Variants in ATG10 observed in about 807,000 individuals in gnomAD.
ATG10 encodes ubiquitin-like-conjugating enzyme ATG10.
In ATG10, 30 loss-of-function variants were observed where a neutral mutation model predicts 32.1. The observed-to-expected ratio is 0.94, with a 90% CI of 0.70 to 1.27. ATG10 has a LOEUF of 1.27. Ranked by LOEUF, ATG10 falls within the 50% of genes most tolerant of loss-of-function variation. The probability of loss-of-function intolerance (pLI) is 0.00; values close to 1 mark genes in which losing one functional copy is unlikely to be tolerated. For missense variants in ATG10, 233 were observed against 262.3 expected (o/e 0.89, Z 0.77); for synonymous variants, 87 against 91.5 (o/e 0.95, Z 0.28).
intron 4 of ATG10, among the ~76,000 whole-genome samples, chr5:82,172,937 A>G (rs76150328): frequency 0.033 from 4,954 of 152,334 alleles, 111 homozygotes; most frequent in Middle Eastern, 0.051. Context: ...TGAAGCAAAA[A>G]TGAATTTTCC....
chr5:82,194,823 C>G (rs573382714), intron 5 of ATG10, among the ~76,000 whole-genome samples: 10 of 152,310 alleles, frequency 6.6e-5, no homozygotes, highest in African/African-American at 2.4e-4. Context: ...TAGGTATGCT[C>G]TGGAACTCCC....
At chr5:82,056,870 A>G (rs1292066689) in intron 2 of ATG10, among the ~76,000 whole-genome samples, 1 of 152,194 alleles carries the variant, frequency 6.6e-6, no homozygotes, top group Non-Finnish European at 1.5e-5. Context: ...GTCATTACAT[A>G]TATCTTTCTC....
chr5:81,985,741 T>TG (rs1761244766), intron 1 of ATG10, among the ~76,000 whole-genome samples: 1 of 152,192 alleles, frequency 6.6e-6, no homozygotes, highest in Non-Finnish European at 1.5e-5. Flanking sequence ...CCAAGGCATT[T>TG]GCTTATAGAA....
At chr5:82,076,496 A>G (rs1410159377) in intron 3 of ATG10, among the ~76,000 whole-genome samples, 1 of 152,136 alleles carries the variant, frequency 6.6e-6, no homozygotes, top group Admixed American at 6.6e-5. Flanking sequence ...CTCCTTGGTA[A>G]CTTTTCTTCA....
chr5:82,085,499 G>T, intron 3 of ATG10, among the ~76,000 whole-genome samples: 1 of 128,844 alleles, frequency 7.8e-6, no homozygotes, highest in Non-Finnish European at 1.6e-5. Context: ...TGGGATCGGG[G>T]GAGGGGGGAG....
intron 1 of ATG10, among the ~76,000 whole-genome samples, chr5:81,982,215 T>C (rs546881724): frequency 1.3e-5 from 2 of 152,116 alleles, no homozygotes; most frequent in South Asian, 4.1e-4. Flanking sequence ...CCTAGTACTT[T>C]GGGAGGCCGA....
intron 5 of ATG10, among the ~76,000 whole-genome samples, chr5:82,198,219 C>T (rs140320622): frequency 3.0e-4 from 46 of 152,148 alleles, no homozygotes; most frequent in African/African-American, 9.4e-4. Flanking sequence ...AAAAATTTAC[C>T]TTTGCTCAAG....
At chr5:82,250,065 C>G (rs1189671815) in intron 5 of ATG10, among the ~76,000 whole-genome samples, 7 of 152,108 alleles carry the variant, frequency 4.6e-5, no homozygotes, top group Admixed American at 4.6e-4. Context: ...TGGATTATAC[C>G]TCTTTATTCC....
chr5:82,021,903 G>A (rs561551436), intron 2 of ATG10, among the ~76,000 whole-genome samples: 4 of 151,848 alleles, frequency 2.6e-5, no homozygotes, highest in East Asian at 1.9e-4. Context: ...GGCACCTGTA[G>A]TCCCAGCTAC....
intron 5 of ATG10, among the ~76,000 whole-genome samples, chr5:82,202,428 C>A (rs549965936): frequency 1.1e-4 from 16 of 152,210 alleles, no homozygotes; most frequent in Non-Finnish European, 2.2e-4. Flanking sequence ...TTCCCCCCTG[C>A]AGACTTTTGA....
intron 2 of ATG10, among the ~76,000 whole-genome samples, chr5:82,046,523 C>T (rs917456762): frequency 6.6e-5 from 10 of 152,326 alleles, no homozygotes; most frequent in African/African-American, 1.9e-4. Context: ...TTTCCAATTT[C>T]TAGCCTCCAG....
chr5:82,138,432 A>G (rs1766862283), intron 3 of ATG10, among the ~76,000 whole-genome samples: 1 of 152,126 alleles, frequency 6.6e-6, no homozygotes, highest in Non-Finnish European at 1.5e-5. Context: ...GCCAGAGTGC[A>G]CCCTTCTTCA....
Position 82,123,320 on chromosome 5 carries a change from A to G in ATG10, c.217-41079A>G, listed in dbSNP as rs965620709. On this transcript the variant is annotated intron_variant, in intron 3 of 7. Transcript: ENST00000282185. ...ATTAAGTGGGAGCTATATGACAAGA[A>G]CTCATGAACACAAAGAAGGGAGCAA... Among the ~76,000 whole-genome samples, 14 of 152,252 alleles carry G rather than the reference A, an allele frequency of 9.2e-5. No homozygotes were observed. The East Asian group carries it at 2.7e-3, about 29-fold the overall frequency.
chr5:82,216,117 A>G (rs531786058), intron 5 of ATG10, among the ~76,000 whole-genome samples: 2 of 152,148 alleles, frequency 1.3e-5, no homozygotes, highest in Non-Finnish European at 2.9e-5. Context: ...GATCCTCAAC[A>G]ATTGAAAAAC....
Position 82,009,965 on chromosome 5 carries a change from C to G in ATG10, c.108+22287C>G. On this transcript the variant is annotated intron_variant, in intron 2 of 7. Coordinates refer to ENST00000282185, the MANE Select transcript of ATG10 (RefSeq NM_031482.5). ...AGGAACCCTTATAACCAAATCCTTTCTCTCCAGTGCTCAGAGCATGAAAAT... is the reference window on the plus strand; with the variant it reads ...AGGAACCCTTATAACCAAATCCTTTGTCTCCAGTGCTCAGAGCATGAAAAT... 8 of 1,611,638 alleles carry G rather than the reference C, an allele frequency of 5.0e-6. No homozygotes were observed. In the South Asian group the frequency reaches 8.8e-5, roughly 18 times the overall value.
chr5:82,097,462 G>A (rs1015765743), intron 3 of ATG10, among the ~76,000 whole-genome samples: 2 of 152,108 alleles, frequency 1.3e-5, no homozygotes, highest in African/African-American at 4.8e-5. Context: ...AGTCTCAGGA[G>A]AAGTCACAAT....
intron 3 of ATG10, among the ~76,000 whole-genome samples, chr5:82,157,923 A>G (rs923622186): frequency 2.0e-5 from 3 of 152,326 alleles, no homozygotes; most frequent in Admixed American, 6.5e-5. Context: ...AATAAAGCTC[A>G]TTACTTACGT....
intron 2 of ATG10, among the ~76,000 whole-genome samples, chr5:82,010,636 A>G (rs560507210): frequency 8.5e-5 from 13 of 152,312 alleles, no homozygotes; most frequent in Admixed American, 5.9e-4. Context: ...ATATGCAGGT[A>G]AGATATTGAT....
chr5:82,209,746 T>G (rs774010918), intron 5 of ATG10, among the ~76,000 whole-genome samples: 6 of 152,312 alleles, frequency 3.9e-5, no homozygotes, highest in Admixed American at 6.5e-5. Context: ...TTGAAAATTT[T>G]GGGCCATTTT....
Sources: allele counts gnomAD v4.1 joint callset (sites outside exome capture counted in the v4.1 genomes callset), GRCh38; gene constraint gnomAD v4.1.1; transcripts MANE v1.5; gene names NCBI Gene and HGNC (gene_info 2026-07-23, HGNC 2026-07-21).